Variants in SARNP observed in about 807,000 individuals in gnomAD.
SARNP encodes SAP domain-containing ribonucleoprotein.
In SARNP, 5 loss-of-function variants were observed where a neutral mutation model predicts 38.1. That is an observed-to-expected ratio of 0.13 (90% CI 0.07 to 0.28). SARNP has a LOEUF of 0.28. SARNP is among the 10% of genes least tolerant of loss of function. The probability of loss-of-function intolerance (pLI) is 1.00; values close to 1 mark genes in which losing one functional copy is unlikely to be tolerated. For synonymous variants in SARNP, 84 were observed against 80.6 expected, an observed-to-expected ratio of 1.04 and a Z score of -0.23; for missense variants, 180 against 243.9, an observed-to-expected ratio of 0.74 and a Z score of 1.75.
chr12:55,783,215 A>T (rs1407055827), intron 9 of SARNP, among the ~76,000 whole-genome samples: 1 of 151,992 alleles, frequency 6.6e-6, no homozygotes, highest in Admixed American at 6.6e-5. Context: ...AGATAGAGAA[A>T]AAACAACCAG....
At chr12:55,783,038 A>T (rs952830955) in intron 9 of SARNP, among the ~76,000 whole-genome samples, 4 of 151,936 alleles carry the variant, frequency 2.6e-5, no homozygotes, top group Admixed American at 2.6e-4. Flanking sequence ...TTGACCCTGG[A>T]GGCTGAGGCT....
intron 1 of SARNP, among the ~76,000 whole-genome samples, chr12:55,808,007 G>A (rs931606304): frequency 4.6e-5 from 7 of 152,040 alleles, no homozygotes; most frequent in Non-Finnish European, 8.8e-5. Flanking sequence ...AATAAAAGTC[G>A]TATGTAATCC....
chr12:55,804,468 T>C (rs891175333), intron 1 of SARNP, among the ~76,000 whole-genome samples: 2 of 150,442 alleles, frequency 1.3e-5, no homozygotes, highest in African/African-American at 2.4e-5. Context: ...AAACAAAGAC[T>C]CAATTTAGTA....
chr12:55,787,369 A>C (rs1040766809), intron 9 of SARNP, among the ~76,000 whole-genome samples: 1 of 152,168 alleles, frequency 6.6e-6, no homozygotes, highest in Non-Finnish European at 1.5e-5. Context: ...ATATATAACC[A>C]ATGTCAGGTA....
chr12:55,804,036 A>T (rs1232178017), intron 1 of SARNP, among the ~76,000 whole-genome samples: 1 of 152,194 alleles, frequency 6.6e-6, no homozygotes, highest in African/African-American at 2.4e-5. Flanking sequence ...GAGGGGGGAA[A>T]AAGGTTTTTT....
chr12:55,810,173 T>C (rs1198655992), intron 1 of SARNP, among the ~76,000 whole-genome samples: 1 of 152,202 alleles, frequency 6.6e-6, no homozygotes, highest in Non-Finnish European at 1.5e-5. Context: ...AATGCAGCAG[T>C]GCAATCGCAG....
chr12:55,759,835 T>A (rs1467449434), intron 10 of SARNP, among the ~76,000 whole-genome samples: 1 of 152,102 alleles, frequency 6.6e-6, no homozygotes, highest in Non-Finnish European at 1.5e-5. Flanking sequence ...CCTCCTGGGC[T>A]TAAGTGATCC....
intron 10 of SARNP, among the ~76,000 whole-genome samples, chr12:55,758,004 C>G (rs1878564862): frequency 6.6e-6 from 1 of 152,160 alleles, no homozygotes; most frequent in Non-Finnish European, 1.5e-5. Context: ...TCTGAGCAGT[C>G]AGGCCCAGAC....
At chr12:55,778,208 A>T (rs1189389215) in intron 9 of SARNP, among the ~76,000 whole-genome samples, 2 of 152,004 alleles carry the variant, frequency 1.3e-5, no homozygotes, top group Non-Finnish European at 2.9e-5. Flanking sequence ...GTGCAGTGGC[A>T]TGATCTCAGC....
rs145978242 is a variant in SARNP at position 55,811,601 on chromosome 12, A to C, written c.36+6065T>G. Among the ~76,000 whole-genome samples, 888 of 150,830 alleles carry C rather than the reference A, an allele frequency of 5.9e-3. 5 individuals are homozygous for C. Among genetic ancestry groups the C allele is most frequent in the Admixed American group, 8.1e-3 (122 of 15,090 alleles). On this transcript the variant is annotated intron_variant, in intron 1 of 10. Transcript: ENST00000336133. ...CAAACAAACAAACAAACAAACAAAC[A>C]AACAAACCACAGCTTGTAAATAGTA...
rs115922791 is a variant in SARNP, at chr12:55,812,699, T to C, written c.36+4967A>G. Among the ~76,000 whole-genome samples the C allele has an allele frequency of 3.4e-3, 525 of 152,376 alleles. 2 individuals carry two copies. Among genetic ancestry groups the C allele is most frequent in the African/African-American group, 0.012 (497 of 41,598 alleles). On this transcript the variant is annotated intron_variant, in intron 1 of 10. Transcript: ENST00000336133. ...CAAACCCTGGAGTCATCTTTCATTT[T>C]TCCCATATCTAACTGATCTATAAAT...
chr12:55,762,342 G>A (rs757761137), intron 9 of SARNP, among the ~76,000 whole-genome samples: 15 of 146,318 alleles, frequency 1.0e-4, no homozygotes, highest in Non-Finnish European at 8.9e-5. Context: ...GTCTTACTTC[G>A]TTACCCAGGC....
intron 7 of SARNP, chr12:55,792,476 C>G (rs1329383171): frequency 6.6e-6 from 1 of 150,406 alleles, no homozygotes; most frequent in African/African-American, 2.4e-5. Flanking sequence ...CGTTCAAGCA[C>G]TTCTCCTGCC....
chr12:55,807,295 A>G (rs912957639), intron 1 of SARNP, among the ~76,000 whole-genome samples: 1 of 152,242 alleles, frequency 6.6e-6, no homozygotes, highest in African/African-American at 2.4e-5. Context: ...CTAACCAGGA[A>G]CAGCTAGTTC....
intron 1 of SARNP, among the ~76,000 whole-genome samples, chr12:55,812,156 C>A (rs1169588452): frequency 6.6e-6 from 1 of 152,206 alleles, no homozygotes; most frequent in East Asian, 1.9e-4. Context: ...CTCTGATAAG[C>A]CAAACTGGTC....
downstream of SARNP, chr12:55,754,481 T>G (rs1336000431): frequency 6.6e-6 from 1 of 152,206 alleles, no homozygotes; most frequent in Non-Finnish European, 1.5e-5. Flanking sequence ...AGCAACAATG[T>G]CCAGCTTTCC....
At position 55,790,557 on chromosome 12, in the gene SARNP, G is replaced by A. The variant is rs1879634905; in HGVS notation, c.432+10C>T. The A allele has an allele frequency of 6.4e-7, 1 of 1,558,860 alleles. No individual in the cohort carries two copies. Among genetic ancestry groups the A allele is most frequent in the South Asian group, 1.2e-5 (1 of 81,808 alleles). ...TCTGGGTGTGTAAGAAATAAAAAAAGATTTCTTACCATAGGTTTGTTATCA... is the reference window on the plus strand; with the variant it reads ...TCTGGGTGTGTAAGAAATAAAAAAAAATTTCTTACCATAGGTTTGTTATCA... On this transcript the variant is annotated intron_variant, in intron 8 of 10. Transcript: ENST00000336133.
intron 9 of SARNP, among the ~76,000 whole-genome samples, chr12:55,772,335 C>T (rs953008748): frequency 3.3e-5 from 5 of 152,098 alleles, no homozygotes; most frequent in Admixed American, 1.3e-4. Flanking sequence ...TAAAGTTACA[C>T]GACAATTAGA....
intron 9 of SARNP, among the ~76,000 whole-genome samples, chr12:55,781,457 C>T (rs1879337049): frequency 6.6e-6 from 1 of 151,222 alleles, no homozygotes; most frequent in East Asian, 1.9e-4. Context: ...TTGCTTAAAA[C>T]CGGAAGGCAG....
Sources: allele counts gnomAD v4.1 joint callset (sites outside exome capture counted in the v4.1 genomes callset), GRCh38; gene constraint gnomAD v4.1.1; transcripts MANE v1.5; gene names NCBI Gene and HGNC (gene_info 2026-07-23, HGNC 2026-07-21).